The following KLRG1 variants were observed in gnomAD, a reference collection of about 807,000 sequenced individuals.
KLRG1 encodes killer cell lectin like receptor G1, also known as killer cell lectin-like receptor subfamily G member 1.
In KLRG1, 16 loss-of-function variants were observed where a neutral mutation model predicts 21.8. The observed-to-expected ratio is 0.73, with a 90% CI of 0.50 to 1.11. The LOEUF (loss-of-function observed/expected upper bound fraction) is 1.11. KLRG1 is among the 50% of genes most tolerant of loss of function. KLRG1 has a pLI of 0.00. For missense variants in KLRG1, 173 were observed against 218.3 expected (o/e 0.79, Z 1.31); for synonymous variants, 69 against 75.9 (o/e 0.91, Z 0.47).
At chr12:9,042,240 T>G in the KLRG1 span, among the ~76,000 whole-genome samples, 4 of 152,368 alleles carry the variant, frequency 2.6e-5, no homozygotes, top group Non-Finnish European at 5.9e-5. Context: ...AGTTTTCAAC[T>G]AGAATCTAGA....
At chr12:9,107,998 G>A in the KLRG1 span, among the ~76,000 whole-genome samples, 51 of 151,746 alleles carry the variant, frequency 3.4e-4, no homozygotes, top group East Asian at 1.9e-4. Context: ...AAACCCAAAC[G>A]CCCTCAAGTC....
chr12:9,166,577 T>A, the KLRG1 span, among the ~76,000 whole-genome samples: 1 of 152,080 alleles, frequency 6.6e-6, no homozygotes, highest in South Asian at 2.1e-4. Context: ...ACATTGAGAG[T>A]GGTTGCTATA....
At chr12:9,110,650 G>C in the KLRG1 span, among the ~76,000 whole-genome samples, 16 of 151,684 alleles carry the variant, frequency 1.1e-4, no homozygotes, top group East Asian at 2.3e-3. Context: ...CTGCATGCCT[G>C]TATCAAAATA....
the KLRG1 span, chr12:9,107,483 C>T: frequency 6.2e-7 from 1 of 1,606,286 alleles, no homozygotes; most frequent in Non-Finnish European, 8.5e-7. Context: ...TTCAACAATG[C>T]CTTTATCGCT....
chr12:9,182,563 T>A, the KLRG1 span, among the ~76,000 whole-genome samples: 1 of 152,368 alleles, frequency 6.6e-6, no homozygotes, highest in South Asian at 2.1e-4. Context: ...AAAAAGTTCA[T>A]ACTAATTGAA....
chr12:9,198,126 A>G, the KLRG1 span, among the ~76,000 whole-genome samples: 1 of 151,006 alleles, frequency 6.6e-6, no homozygotes. Flanking sequence ...GCCAAGAAGG[A>G]TTGCTTGAGG....
the KLRG1 span, among the ~76,000 whole-genome samples, chr12:9,145,280 ATTGT>A: frequency 1.3e-5 from 2 of 151,272 alleles, no homozygotes; most frequent in Non-Finnish European, 3.0e-5. Context: ...CTTGTGTTTT[ATTGT>A]TTTTTTGTGT....
At chr12:9,117,976 C>T in the KLRG1 span, among the ~76,000 whole-genome samples, 3 of 151,828 alleles carry the variant, frequency 2.0e-5, no homozygotes, top group Non-Finnish European at 4.4e-5. Context: ...CTTCAAGTGG[C>T]CAATATTAGA....
intron 3 of KLRG1, among the ~76,000 whole-genome samples, chr12:9,005,167 A>G (rs1230788225): frequency 6.6e-6 from 1 of 151,478 alleles, no homozygotes; most frequent in Non-Finnish European, 1.5e-5. Flanking sequence ...GAACACATGG[A>G]CACAGGGAGG....
At chr12:9,208,434 A>C in the KLRG1 span, 2 of 934,154 alleles carry the variant, frequency 2.1e-6, no homozygotes, top group Non-Finnish European at 3.4e-6. Flanking sequence ...TGTGGCCACT[A>C]TGTACAAACA....
the KLRG1 span, among the ~76,000 whole-genome samples, chr12:9,120,852 C>CGTGTGTGTGT: frequency 0.2 from 28,858 of 142,760 alleles, 3,599 homozygotes; most frequent in East Asian, 0.34. Context: ...ATCCCACTAA[C>CGTGTGTGTGT]GTGTGTGTGT....
At chr12:9,011,970 C>A (rs754468211), downstream of KLRG1, among the ~76,000 whole-genome samples, 9 of 152,330 alleles carry the variant, frequency 5.9e-5, no homozygotes, top group South Asian at 1.7e-3. Context: ...GTGGTCGGAA[C>A]CTGAGTTTCT....
chr12:9,012,407 AC>A (rs964873476), downstream of KLRG1, among the ~76,000 whole-genome samples: 2 of 151,962 alleles, frequency 1.3e-5, no homozygotes, highest in East Asian at 1.9e-4. Context: ...GAAAGGAAGG[AC>A]CCAGTCCAGG....
intron 1 of KLRG1, among the ~76,000 whole-genome samples, chr12:8,971,635 CGTGT>C: frequency 6.7e-6 from 1 of 149,136 alleles, no homozygotes; most frequent in Non-Finnish European, 1.5e-5. Flanking sequence ...GGATTACAGG[CGTGT>C]GCTACCACAC....
chr12:8,951,153 C>T (rs909705591), intron 1 of KLRG1, among the ~76,000 whole-genome samples: 5 of 152,128 alleles, frequency 3.3e-5, no homozygotes, highest in Admixed American at 6.5e-5. Context: ...GTATTTCCTT[C>T]ATGAATATAT....
intron 1 of KLRG1, among the ~76,000 whole-genome samples, chr12:8,978,518 G>C (rs1009038932): frequency 5.9e-5 from 9 of 152,028 alleles, no homozygotes; most frequent in Non-Finnish European, 1.3e-4. Flanking sequence ...GTATATCTTG[G>C]TTGGCTGTTT....
the KLRG1 span, among the ~76,000 whole-genome samples, chr12:9,039,470 ACT>A: frequency 7.1e-6 from 1 of 141,404 alleles, no homozygotes; most frequent in Non-Finnish European, 1.6e-5. Context: ...TTTTTAAAAA[ACT>A]TTTTTTTCTG....
the KLRG1 span, among the ~76,000 whole-genome samples, chr12:9,136,739 A>G: frequency 6.6e-6 from 1 of 151,976 alleles, no homozygotes; most frequent in Non-Finnish European, 1.5e-5. Flanking sequence ...GTGAAGCGAT[A>G]TCTCATTGTG....
At chr12:9,110,021 AT>A in the KLRG1 span, 1 of 1,611,500 alleles carries the variant, frequency 6.2e-7, no homozygotes, top group Non-Finnish European at 8.5e-7. Flanking sequence ...GTGCGATGCG[AT>A]TTCCTTTGGG....
Sources: gnomAD v4.1 joint callset for allele counts (sites outside exome capture counted in the v4.1 genomes callset) on GRCh38, gnomAD v4.1.1 for gene constraint, MANE v1.5 for transcripts, NCBI Gene and HGNC (gene_info 2026-07-23, HGNC 2026-07-21) for gene names.